The following PRPSAP1 variants were observed in gnomAD, a reference collection of about 807,000 sequenced individuals.
PRPSAP1 encodes phosphoribosyl pyrophosphate synthetase associated protein 1.
In PRPSAP1, 31 loss-of-function variants were observed where a neutral mutation model predicts 39.4. That is an observed-to-expected ratio of 0.79 (90% CI 0.59 to 1.06). The LOEUF (loss-of-function observed/expected upper bound fraction) is 1.06. Ranked by LOEUF, PRPSAP1 falls within the 50% of genes least tolerant of loss-of-function variation. The pLI is 0.00. For missense variants in PRPSAP1, 430 were observed against 511.6 expected, an observed-to-expected ratio of 0.84 and a Z score of 1.54; for synonymous variants, 212 against 192.6, an observed-to-expected ratio of 1.10 and a Z score of -0.83.
intron 7 of PRPSAP1, among the ~76,000 whole-genome samples, chr17:76,318,638 A>G (rs559607980): frequency 3.9e-5 from 6 of 152,210 alleles, no homozygotes; most frequent in Non-Finnish European, 7.3e-5. Context: ...GGGAGGTGCA[A>G]TTTATTACAT....
Position 76,353,489 on chromosome 17 carries a change from C to A in PRPSAP1, c.170+45G>T, listed in dbSNP as rs1475074497. ...GGGTCCCTCCGGGCGCGAAGGAGAG[C>A]TAGGCGCCGCCGCCCCCGGCCCGGC... On this transcript the variant is annotated intron_variant, in intron 1 of 9. Transcript: ENST00000446526. 10 of 1,455,452 alleles carry A rather than the reference C, an allele frequency of 6.9e-6. No individual in the cohort carries two copies. The Admixed American group carries it at 2.3e-4, about 34-fold the overall frequency. The allele number at this position is 1,455,452 out of a possible 1,614,324, so 90.2% of individuals were successfully genotyped here. A position where few individuals can be genotyped will look rare whatever the true frequency, so the allele number is the denominator to read the frequency against.
intron 2 of PRPSAP1, among the ~76,000 whole-genome samples, chr17:76,347,110 C>T (rs938794789): frequency 2.6e-5 from 4 of 151,706 alleles, no homozygotes; most frequent in Non-Finnish European, 4.4e-5. Context: ...GAACGAGCAG[C>T]GCAGAAGGGG....
intron 9 of PRPSAP1, among the ~76,000 whole-genome samples, chr17:76,312,585 G>A (rs905953666): frequency 6.6e-6 from 1 of 152,110 alleles, no homozygotes; most frequent in Non-Finnish European, 1.5e-5. Flanking sequence ...TAATAAAAGC[G>A]ATTATTTTAA....
chr17:76,318,076 G>A (rs1361601637), intron 7 of PRPSAP1, among the ~76,000 whole-genome samples: 4 of 152,148 alleles, frequency 2.6e-5, no homozygotes, highest in Non-Finnish European at 5.9e-5. Context: ...CCATGGTTGT[G>A]ACAACCACAA....
At chr17:76,320,967 G>A (rs2071191003) in intron 7 of PRPSAP1, among the ~76,000 whole-genome samples, 1 of 151,062 alleles carries the variant, frequency 6.6e-6, no homozygotes, top group African/African-American at 2.4e-5. Context: ...TTTTTTTGTA[G>A]AGACAAGGTT....
At chr17:76,345,858 AG>A (rs1351825562) in intron 2 of PRPSAP1, 25 of 414,748 alleles carry the variant, frequency 6.0e-5, no homozygotes, top group Admixed American at 1.1e-4. Context: ...GAAAGGCTGA[AG>A]GGGATGCTAA....
intron 9 of PRPSAP1, 87 bp downstream of exon 9, chr17:76,312,783 T>A: frequency 6.7e-7 from 1 of 1,496,714 alleles, no homozygotes; most frequent in Non-Finnish European, 8.9e-7. Flanking sequence ...ATAGACAGAT[T>A]AAGCAATTTA....
intron 7 of PRPSAP1, among the ~76,000 whole-genome samples, chr17:76,322,698 C>A (rs2071210964): frequency 6.6e-6 from 1 of 151,994 alleles, no homozygotes; most frequent in African/African-American, 2.4e-5. Flanking sequence ...TAAAAATTAG[C>A]TGGGTGCTTG....
Position 76,332,363 on chromosome 17 carries a change from A to C in PRPSAP1, c.363T>G (p.Ile121Met). The C allele has an allele frequency of 6.2e-7, 1 of 1,614,118 alleles. No individual in the cohort carries two copies. Among genetic ancestry groups the C allele is most frequent in the Non-Finnish European group, 8.5e-7 (1 of 1,180,036 alleles). ...AGGGGAAGTAGGGGATGACCCCAAT[A>C]ATGTTCCTGGCACAGGCAGTCTTCA... ...YALKTACARN[I>M]IGVIPYFPYS... Residue 121 changes from isoleucine (I) to methionine (M), a missense_variant, in exon 4 of 10, where the codon ATT (isoleucine) becomes ATG (methionine). Transcript: ENST00000446526.
chr17:76,341,228 T>G (rs1367575474), intron 3 of PRPSAP1, among the ~76,000 whole-genome samples: 1 of 103,740 alleles, frequency 9.6e-6, no homozygotes, highest in African/African-American at 4.4e-5. Context: ...AATTTGACTT[T>G]TTTTTGTTTT....
chr17:76,329,180 C>G (rs534144932), intron 6 of PRPSAP1, among the ~76,000 whole-genome samples: 4 of 151,728 alleles, frequency 2.6e-5, no homozygotes, highest in Non-Finnish European at 5.9e-5. Flanking sequence ...AGGTGATCCT[C>G]CCACCTCAAC....
chr17:76,332,178 G>T, intron 4 of PRPSAP1, 85 bp downstream of exon 4: 1 of 1,437,828 alleles, frequency 7.0e-7, no homozygotes, highest in Non-Finnish European at 9.5e-7. Context: ...ATCCCAGATT[G>T]GATATCTGAG....
intron 3 of PRPSAP1, among the ~76,000 whole-genome samples, chr17:76,334,588 T>C (rs566444921): frequency 1.3e-5 from 2 of 152,076 alleles, no homozygotes; most frequent in African/African-American, 4.8e-5. Flanking sequence ...CCCTTGTAAT[T>C]TGGATTTTTC....
intron 3 of PRPSAP1, among the ~76,000 whole-genome samples, chr17:76,339,772 T>C (rs916473524): frequency 3.3e-5 from 5 of 151,794 alleles, no homozygotes; most frequent in African/African-American, 1.2e-4. Context: ...ATTGTTATTG[T>C]ACAAGACTCT....
intron 2 of PRPSAP1, among the ~76,000 whole-genome samples, chr17:76,348,044 G>C (rs1013408207): frequency 6.6e-6 from 1 of 152,134 alleles, no homozygotes; most frequent in Non-Finnish European, 1.5e-5. Flanking sequence ...GGTGGAAGCC[G>C]AGTGCGGTGG....
chr17:76,311,551 C>T lies in PRPSAP1; in HGVS notation c.1149G>A (p.Val383=), dbSNP rs1168307501. The change falls in exon 10 of 10, where the codon GTG becomes GTA. Residue 383 remains valine, a synonymous_variant. Transcript: ENST00000446526. ...SMAYLFRNIT[V]DD ...GAGACCCTCGTGAAAGCTAGTCATC[C>T]ACAGTGATGTTTCGGAAAAGGTAGG... 1 of 1,613,556 alleles carries T rather than the reference C, an allele frequency of 6.2e-7. No individual in the cohort carries two copies. The highest frequency in any genetic ancestry group is 8.5e-7 in the Non-Finnish European group (1 of 1,179,780).
chr17:76,339,526 C>T (rs2143523918), intron 3 of PRPSAP1, among the ~76,000 whole-genome samples: 1 of 151,956 alleles, frequency 6.6e-6, no homozygotes, highest in Non-Finnish European at 1.5e-5. Flanking sequence ...CTTTCTTCTT[C>T]CATCCCTATC....
intron 3 of PRPSAP1, chr17:76,337,259 A>G (rs899758697): frequency 6.6e-6 from 1 of 152,244 alleles, no homozygotes; most frequent in African/African-American, 2.4e-5. Context: ...CACATCCTAT[A>G]TTAAGTCCAG....
intron 3 of PRPSAP1, among the ~76,000 whole-genome samples, chr17:76,343,267 T>C (rs1286532096): frequency 1.3e-5 from 2 of 152,288 alleles, no homozygotes; most frequent in African/African-American, 4.8e-5. Context: ...GATAGTCCCA[T>C]AGAAGCATGA....
Sources: allele counts gnomAD v4.1 joint callset (sites outside exome capture counted in the v4.1 genomes callset), GRCh38; gene constraint gnomAD v4.1.1; transcripts MANE v1.5; gene names NCBI Gene and HGNC (gene_info 2026-07-23, HGNC 2026-07-21).